Variants in SLIT2 observed in about 807,000 individuals in gnomAD.
SLIT2 encodes the protein slit homolog 2 protein.
A neutral mutation model predicts 185.7 loss-of-function variants in SLIT2; 41 were observed. The observed-to-expected ratio is 0.22, with a 90% confidence interval of 0.17 to 0.29. The LOEUF (loss-of-function observed/expected upper bound fraction) is 0.29, where lower values mean the gene tolerates loss of function less well. SLIT2 is among the 10% of genes least tolerant of loss of function. The pLI is 1.00. For synonymous variants in SLIT2, 693 were observed against 680.2 expected, an observed-to-expected ratio of 1.02 and a Z score of -0.29; for missense variants, 1,571 against 1,909.0, an observed-to-expected ratio of 0.82 and a Z score of 3.30.
chr4:20,254,599 G>GC lies in SLIT2; in HGVS notation c.179+611dup, dbSNP rs1339111775. On this transcript the variant is annotated intron_variant, in intron 1 of 36. Transcript: ENST00000504154. This position sits in a 1 kb window ranked among gnomAD's most constrained non-coding sequence, Gnocchi z 5.1. ...ACACCTCGCATAGTAGCCTCGCGCA[G>GC]CCCCCCGCCCCCCACTTCTCCGGGG... Among the ~76,000 whole-genome samples, 1 of 152,116 alleles carries GC rather than the reference G, an allele frequency of 6.6e-6. No homozygotes were observed. The highest frequency in any genetic ancestry group is 1.9e-4 in the East Asian group (1 of 5,146).
At chr4:20,590,071 A>G (rs1727387351) in intron 30 of SLIT2, among the ~76,000 whole-genome samples, 1 of 151,476 alleles carries the variant, frequency 6.6e-6, no homozygotes, top group South Asian at 2.1e-4. Context: ...ACGCCTGGCT[A>G]ATTTTTTGTA....
intron 4 of SLIT2, among the ~76,000 whole-genome samples, chr4:20,291,482 ATATATATATATTTTTTTTTTTTTTTT>A (rs1363364663): frequency 2.4e-4 from 3 of 12,680 alleles, no homozygotes; most frequent in South Asian, 4.8e-3. Flanking sequence ...ATATATATAT[ATATATATATATTTTTTTTTTTTTTTT>A]TTTTTTTTTT....
At chr4:20,460,588 A>G (rs1713593558) in intron 4 of SLIT2, among the ~76,000 whole-genome samples, 2 of 152,084 alleles carry the variant, frequency 1.3e-5, no homozygotes, top group Non-Finnish European at 2.9e-5. Context: ...CTCCTGTGTA[A>G]TTGTAAATAG....
intron 4 of SLIT2, among the ~76,000 whole-genome samples, chr4:20,394,257 C>T (rs921523171): frequency 4.6e-5 from 7 of 151,808 alleles, no homozygotes; most frequent in African/African-American, 1.7e-4. Flanking sequence ...AAAATAAAGC[C>T]TTGAAAATTG....
chr4:20,335,956 A>G (rs1380855528), intron 4 of SLIT2, among the ~76,000 whole-genome samples: 1 of 152,148 alleles, frequency 6.6e-6, no homozygotes, highest in East Asian at 1.9e-4. Flanking sequence ...TGATAGATGT[A>G]GAGAGGTAGA....
intron 29 of SLIT2, among the ~76,000 whole-genome samples, chr4:20,569,487 A>C (rs926389640): frequency 6.6e-6 from 1 of 152,062 alleles, no homozygotes; most frequent in Non-Finnish European, 1.5e-5. Context: ...AGCACTTTGG[A>C]TAGTCTTATA....
intron 18 of SLIT2, among the ~76,000 whole-genome samples, chr4:20,534,674 C>T (rs1006019505): frequency 6.6e-6 from 1 of 152,090 alleles, no homozygotes; most frequent in African/African-American, 2.4e-5. Flanking sequence ...GTCTGTCTCC[C>T]TCAAACCCAC....
At chr4:20,290,581 T>A (rs1425390377) in intron 4 of SLIT2, among the ~76,000 whole-genome samples, 2 of 152,178 alleles carry the variant, frequency 1.3e-5, no homozygotes, top group African/African-American at 4.8e-5. Context: ...AAGGGACGAC[T>A]ATATGTGTGT....
chr4:20,379,134 T>C (rs1724273978), intron 4 of SLIT2, among the ~76,000 whole-genome samples: 1 of 152,048 alleles, frequency 6.6e-6, no homozygotes, highest in Non-Finnish European at 1.5e-5. Context: ...ACACTAAAAG[T>C]GATTCCTAAT....
chr4:20,304,265 T>C (rs1215937546), intron 4 of SLIT2, among the ~76,000 whole-genome samples: 1 of 152,088 alleles, frequency 6.6e-6, no homozygotes, highest in Non-Finnish European at 1.5e-5. Context: ...AGATAACTTT[T>C]TTAAAAGAAA....
intron 26 of SLIT2, among the ~76,000 whole-genome samples, chr4:20,559,816 T>G (rs1255246682): frequency 6.6e-6 from 1 of 151,986 alleles, no homozygotes; most frequent in East Asian, 1.9e-4. Context: ...TATTTTAAAG[T>G]TTTTAATAAA....
chr4:20,335,393 T>C (rs1382149138), intron 4 of SLIT2, among the ~76,000 whole-genome samples: 1 of 152,232 alleles, frequency 6.6e-6, no homozygotes, highest in Non-Finnish European at 1.5e-5. Context: ...TGGCATGGCT[T>C]ATTATTCAAT....
chr4:20,604,488 T>A (rs1356439754), intron 33 of SLIT2, among the ~76,000 whole-genome samples: 4 of 151,974 alleles, frequency 2.6e-5, no homozygotes, highest in Admixed American at 1.3e-4. Context: ...TAGCTGGGAC[T>A]ACAGGCGCTC....
intron 4 of SLIT2, among the ~76,000 whole-genome samples, chr4:20,358,386 G>A (rs753951519): frequency 6.6e-6 from 1 of 152,108 alleles, no homozygotes; most frequent in East Asian, 1.9e-4. Flanking sequence ...TTAATTGTGG[G>A]CCAAAAGTTA....
intron 4 of SLIT2, among the ~76,000 whole-genome samples, chr4:20,429,337 T>G (rs186409713): frequency 6.6e-6 from 1 of 152,350 alleles, no homozygotes; most frequent in East Asian, 1.9e-4. Flanking sequence ...GATTATAATT[T>G]AAGTCCTTAT....
At chr4:20,389,094 G>A (rs1008546015) in intron 4 of SLIT2, among the ~76,000 whole-genome samples, 4 of 150,406 alleles carry the variant, frequency 2.7e-5, no homozygotes, top group African/African-American at 7.3e-5. Flanking sequence ...AAGTTAATGG[G>A]TATTTGTGGT....
intron 4 of SLIT2, among the ~76,000 whole-genome samples, chr4:20,326,792 T>C (rs1719636337): frequency 7.3e-6 from 1 of 137,216 alleles, no homozygotes; most frequent in Non-Finnish European, 1.5e-5. Context: ...GAGTTCTGGC[T>C]CCAGTTAGAA....
At chr4:20,542,747 A>G (rs1298065417) in intron 21 of SLIT2, 121 bp downstream of exon 21, 1 of 1,074,772 alleles carries the variant, frequency 9.3e-7, no homozygotes, top group Non-Finnish European at 1.4e-6. Context: ...AAGGCCAGTT[A>G]ATTATTATCC....
intron 25 of SLIT2, among the ~76,000 whole-genome samples, chr4:20,551,427 G>A (rs2148892092): frequency 6.6e-6 from 1 of 152,228 alleles, no homozygotes; most frequent in Admixed American, 6.5e-5. Flanking sequence ...TTTCCTTTAT[G>A]TTTTCTCTGA....
Sources: allele counts gnomAD v4.1 joint callset (sites outside exome capture counted in the v4.1 genomes callset), GRCh38; gene constraint gnomAD v4.1.1; non-coding constraint Gnocchi (gnomAD v3.1); transcripts MANE v1.5; gene names NCBI Gene and HGNC (gene_info 2026-07-23, HGNC 2026-07-21).